Variants in FRMPD4 observed in about 807,000 individuals in gnomAD.
The protein encoded by FRMPD4 is FERM and PDZ domain containing 4, also known as FERM and PDZ domain-containing protein 4.
FRMPD4 carries 22 observed loss-of-function variants against 94.1 expected under a neutral mutation model. The ratio of observed to expected loss-of-function variants is 0.23; its 90% CI spans 0.17 to 0.33. The LOEUF (loss-of-function observed/expected upper bound fraction) is 0.33, where lower values mean the gene tolerates loss of function less well. FRMPD4 is among the 10% of genes least tolerant of loss of function. The pLI, the probability that FRMPD4 is intolerant of heterozygous loss-of-function variation, is 1.00. For synonymous variants in FRMPD4, 631 were observed against 548.6 expected, an observed-to-expected ratio of 1.15 and a Z score of -2.10; for missense variants, 1,111 against 1,339.9, an observed-to-expected ratio of 0.83 and a Z score of 2.67.
chrX:12,219,898 T>A (rs2056844935), intron 1 of FRMPD4, among the ~76,000 whole-genome samples: 1 of 111,925 alleles, frequency 8.9e-6, no homozygotes, highest in African/African-American at 3.2e-5. Flanking sequence ...TCCCAGCACT[T>A]TGGGAGGCCA....
intron 2 of FRMPD4, among the ~76,000 whole-genome samples, chrX:12,582,079 C>T (rs765359993): frequency 2.2e-4 from 24 of 111,536 alleles, no homozygotes; most frequent in Non-Finnish European, 3.4e-4. Context: ...GAACAATGCC[C>T]GGCACATAAT....
rs949188771 is a variant in FRMPD4, at chrX:12,691,761, A to G, written c.813+1435A>G. Among the ~76,000 whole-genome samples, 5 of 110,421 alleles carry G rather than the reference A, an allele frequency of 4.5e-5. No homozygotes were observed. The South Asian group carries it at 1.2e-3, about 27-fold the overall frequency. ...AGAATGTATTATCAAACCAGTTTCTACTGTGGGTAACTGGAGCTCAGTCCT... is the reference window on the plus strand; with the variant it reads ...AGAATGTATTATCAAACCAGTTTCTGCTGTGGGTAACTGGAGCTCAGTCCT... On this transcript the variant is annotated intron_variant, in intron 8 of 16. Coordinates refer to ENST00000675598, the MANE Select transcript of FRMPD4 (RefSeq NM_001368397.1).
upstream of FRMPD4, among the ~76,000 whole-genome samples, chrX:12,136,819 T>C (rs2055601563): frequency 9.2e-6 from 1 of 109,034 alleles, no homozygotes; most frequent in Admixed American, 9.9e-5. Context: ...AGCGCAACTT[T>C]AGCTTGACGG....
chrX:12,229,045 G>T (rs2056954835), intron 1 of FRMPD4, among the ~76,000 whole-genome samples: 1 of 112,023 alleles, frequency 8.9e-6, no homozygotes, highest in Admixed American at 9.5e-5. Context: ...ATTTATACGT[G>T]AAAGCTTCTC....
chrX:11,882,518 G>A (rs765601806), intron 3 of FRMPD4, among the ~76,000 whole-genome samples: 2 of 111,434 alleles, frequency 1.8e-5, no homozygotes, highest in Admixed American at 1.9e-4. Flanking sequence ...CGCTACAAGT[G>A]GAAAATTCCA....
chrX:12,308,542 G>A (rs986720957), intron 1 of FRMPD4, among the ~76,000 whole-genome samples: 1 of 111,638 alleles, frequency 9.0e-6, no homozygotes, highest in African/African-American at 3.3e-5. Context: ...CCGGGCTTGT[G>A]CATTTGAATT....
chrX:12,641,688 T>A (rs1441562241), intron 4 of FRMPD4, among the ~76,000 whole-genome samples: 2 of 112,611 alleles, frequency 1.8e-5, no homozygotes, highest in East Asian at 5.5e-4. Flanking sequence ...ACATTCCACA[T>A]TTATTAATGA....
intron 2 of FRMPD4, among the ~76,000 whole-genome samples, chrX:12,541,082 T>A (rs1327908761): frequency 8.9e-6 from 1 of 111,938 alleles, no homozygotes; most frequent in Non-Finnish European, 1.9e-5. Flanking sequence ...TGGGACACAT[T>A]TAAAGCAGTG....
intron 2 of FRMPD4, among the ~76,000 whole-genome samples, chrX:12,549,579 A>G (rs779986317): frequency 8.9e-6 from 1 of 112,337 alleles, no homozygotes; most frequent in East Asian, 2.8e-4. Flanking sequence ...AGATAGGTGT[A>G]TGTTTTCTCT....
intron 1 of FRMPD4, among the ~76,000 whole-genome samples, chrX:12,392,526 G>A (rs774228477): frequency 1.8e-5 from 2 of 109,009 alleles, no homozygotes; most frequent in East Asian, 6.0e-4. Flanking sequence ...GGCGGTGCTT[G>A]CCTGTAGTCC....
At chrX:12,666,683 G>C (rs904029400) in intron 4 of FRMPD4, among the ~76,000 whole-genome samples, 2 of 111,433 alleles carry the variant, frequency 1.8e-5, no homozygotes, top group Non-Finnish European at 3.8e-5. Flanking sequence ...ATGACTACTG[G>C]GAAAATAACA....
chrX:12,630,441 C>G (rs1288398937), intron 4 of FRMPD4, among the ~76,000 whole-genome samples: 1 of 111,885 alleles, frequency 8.9e-6, no homozygotes, highest in Non-Finnish European at 1.9e-5. Context: ...GCCCTTTGAC[C>G]TCAACCAATG....
At chrX:11,846,479 C>A (rs1350027160) in intron 1 of FRMPD4, among the ~76,000 whole-genome samples, 1 of 109,711 alleles carries the variant, frequency 9.1e-6, no homozygotes, top group South Asian at 3.9e-4. Flanking sequence ...AGATTCAATG[C>A]CATCCCCATC....
chrX:12,294,837 T>C (rs1396322820), intron 1 of FRMPD4, among the ~76,000 whole-genome samples: 1 of 111,927 alleles, frequency 8.9e-6, no homozygotes, highest in Non-Finnish European at 1.9e-5. Flanking sequence ...GAACTGGTCT[T>C]CAAGGAATGC....
intron 1 of FRMPD4, among the ~76,000 whole-genome samples, chrX:12,346,253 T>G (rs943815241): frequency 9.4e-6 from 1 of 106,576 alleles, no homozygotes; most frequent in Non-Finnish European, 1.9e-5. Context: ...GTGGAAAGGT[T>G]TCTTGGGATG....
intron 1 of FRMPD4, among the ~76,000 whole-genome samples, chrX:12,178,880 G>C (rs1195871090): frequency 8.9e-6 from 1 of 112,003 alleles, no homozygotes; most frequent in Non-Finnish European, 1.9e-5. Context: ...TGTGCCAGTG[G>C]AGATAATCTG....
At chrX:12,495,467 G>T (rs2057838499) in intron 1 of FRMPD4, among the ~76,000 whole-genome samples, 1 of 111,592 alleles carries the variant, frequency 9.0e-6, no homozygotes, top group Non-Finnish European at 1.9e-5. Flanking sequence ...ATTGAAGAGA[G>T]TCTGGTTCTA....
At chrX:12,624,064 G>A (rs917224330) in intron 4 of FRMPD4, among the ~76,000 whole-genome samples, 43 of 112,209 alleles carry the variant, frequency 3.8e-4, no homozygotes, top group African/African-American at 1.3e-3. Flanking sequence ...TGAAAGAGAC[G>A]GAAAGATATT....
intron 3 of FRMPD4, among the ~76,000 whole-genome samples, chrX:11,958,356 C>G (rs190776396): frequency 1.8e-5 from 2 of 112,037 alleles, no homozygotes; most frequent in East Asian, 5.6e-4. Context: ...TCTTAATGGA[C>G]TTTTATTTGT....
Sources: gnomAD v4.1 joint callset for allele counts (sites outside exome capture counted in the v4.1 genomes callset) on GRCh38, gnomAD v4.1.1 for gene constraint, MANE v1.5 for transcripts, NCBI Gene and HGNC (gene_info 2026-07-23, HGNC 2026-07-21) for gene names.